Variants in C4orf50 observed in about 807,000 individuals in gnomAD.
C4orf50 encodes the protein uncharacterized protein C4orf50.
Under a neutral mutation model 77.2 loss-of-function variants are expected in C4orf50, and 80 were observed. The observed-to-expected ratio is 1.04, with a 90% confidence interval of 0.87 to 1.25. The LOEUF is 1.25. C4orf50 is among the 50% of genes most tolerant of loss of function. The probability of loss-of-function intolerance (pLI) is 0.00; values close to 1 mark genes in which losing one functional copy is unlikely to be tolerated. For missense variants in C4orf50, 1,257 were observed against 1,152.9 expected, an observed-to-expected ratio of 1.09 and a Z score of -1.31; for synonymous variants, 532 against 465.3, an observed-to-expected ratio of 1.14 and a Z score of -1.84.
intron 7 of C4orf50, among the ~76,000 whole-genome samples, chr4:5,926,882 C>G (rs1407640658): frequency 6.6e-6 from 1 of 152,228 alleles, no homozygotes; most frequent in Non-Finnish European, 1.5e-5. Context: ...CATTCATTCA[C>G]TGACCATTCA....
At chr4:5,990,008 C>G in exon 28 of C4orf50, 3 of 1,397,196 alleles carry the variant, frequency 2.1e-6, no homozygotes, top group Non-Finnish European at 2.8e-6. Flanking sequence ...GGCCATGGCT[C>G]TTTGGTCTCA....
intron 7 of C4orf50, among the ~76,000 whole-genome samples, chr4:5,940,557 G>C (rs1718216682): frequency 1.3e-5 from 2 of 152,166 alleles, no homozygotes; most frequent in South Asian, 4.1e-4. Flanking sequence ...TAAGTAATCA[G>C]GGCCTCAAAA....
intron 23 of C4orf50, among the ~76,000 whole-genome samples, chr4:6,014,020 G>C (rs868039636): frequency 8.8e-6 from 1 of 113,146 alleles, no homozygotes; most frequent in East Asian, 5.5e-4. Flanking sequence ...TTTTTTTTTT[G>C]AGATGGAGTT....
chr4:5,924,482 G>A (rs558515774), intron 7 of C4orf50, among the ~76,000 whole-genome samples: 1 of 152,196 alleles, frequency 6.6e-6, no homozygotes, highest in Non-Finnish European at 1.5e-5. Context: ...CAGGAGCAGA[G>A]AGCAGGAAAG....
rs553775365 is a variant in C4orf50, at chr4:5,993,007, C to T, written c.1094-77G>A. 36 of 397,144 alleles carry T rather than the reference C, an allele frequency of 9.1e-5. No individual in the cohort carries two copies. In the South Asian group the frequency reaches 4.8e-3, roughly 53 times the overall value. 24.6% of individuals were successfully genotyped at this position (397,144 alleles called of 1,614,324 possible). ...CCATGATCGCCTCTAGGGACCACGTCCCCCAGGCTTGGGTAAGATGGCACC... is the reference window on the plus strand; with the variant it reads ...CCATGATCGCCTCTAGGGACCACGTTCCCCAGGCTTGGGTAAGATGGCACC... On this transcript the variant is annotated intron_variant, in intron 26 of 33. Coordinates refer to ENST00000531445, the Ensembl canonical transcript of C4orf50.
At position 5,932,419 on chromosome 4, in the gene C4orf50, T is replaced by A. The variant is rs769424309; in HGVS notation, c.*2474+24482A>T. On this transcript the variant is annotated intron_variant, in intron 7 of 7. Coordinates refer to the C4orf50 transcript ENST00000324058. The surrounding 1 kb of genome is among the most constrained non-coding windows in gnomAD (Gnocchi z 4.2). The stretch of plus-strand genomic sequence containing the variant: ...TGAGGTGACCAGGTGATCATCTACC[T>A]GGAGAAGGAAGGCATCAGACTGTGG... Among the ~76,000 whole-genome samples the A allele has an allele frequency of 2.0e-5, 3 of 152,116 alleles. No homozygotes were observed. Among genetic ancestry groups the A allele is most frequent in the Non-Finnish European group, 4.4e-5 (3 of 68,010 alleles).
chr4:5,976,457 GAAAA>G (rs138450804), intron 29 of C4orf50, among the ~76,000 whole-genome samples: 3 of 93,102 alleles, frequency 3.2e-5, no homozygotes, highest in Admixed American at 1.3e-4. Flanking sequence ...CTCTGTCTCG[GAAAA>G]AAAAAAAAAA....
intron 32 of C4orf50, 28 bp downstream of exon 10, chr4:5,967,386 G>T (rs9997727): frequency 1.7e-5 from 27 of 1,598,908 alleles, no homozygotes; most frequent in Non-Finnish European, 2.1e-5. Context: ...GAGCACACAG[G>T]CTTTTCCTGA....
intron 33 of C4orf50, among the ~76,000 whole-genome samples, chr4:5,963,529 T>A: frequency 6.6e-6 from 1 of 152,180 alleles, no homozygotes. Flanking sequence ...ATGCATGATT[T>A]CATTGAATTG....
rs186307195 is a variant in C4orf50 at position 5,942,547 on chromosome 4, C to A, written c.*2474+14354G>T. On this transcript the variant is annotated intron_variant, in intron 7 of 7. Transcript: ENST00000324058. ...AGGGAGGGAGGCTTAAATAATTTTA[C>A]TGAAATAATAATAACATCAAATATT... Among the ~76,000 whole-genome samples the A allele has an allele frequency of 1.8e-4, 27 of 152,298 alleles. No individual in the cohort carries two copies. The East Asian group carries it at 2.9e-3, about 16-fold the overall frequency.
At chr4:5,964,846 A>C (rs908813983) in intron 33 of C4orf50, among the ~76,000 whole-genome samples, 178 bp downstream of exon 11, 1 of 151,816 alleles carries the variant, frequency 6.6e-6, no homozygotes, top group Non-Finnish European at 1.5e-5. Flanking sequence ...AAATTAGATC[A>C]TAGAAGGAGA....
Position 5,935,727 on chromosome 4 carries a change from A to G in C4orf50, c.*2474+21174T>C, listed in dbSNP as rs554918285. ...CTTGAACCCGGGAGGTGGAGGCTGC[A>G]GTGAGCCGAGATTGCGCCATTGCAC... On this transcript the variant is annotated intron_variant, in intron 7 of 7. Transcript: ENST00000324058. Among the ~76,000 whole-genome samples the G allele has an allele frequency of 1.1e-4, 15 of 141,940 alleles. No homozygotes were observed. The East Asian group carries it at 3.2e-3, about 30-fold the overall frequency. 93.1% of individuals were successfully genotyped at this position (141,940 alleles called of 152,430 possible).
At chr4:5,994,005 G>A (rs1170458390) in intron 26 of C4orf50, among the ~76,000 whole-genome samples, 5 of 152,146 alleles carry the variant, frequency 3.3e-5, no homozygotes, top group African/African-American at 1.2e-4. Flanking sequence ...GACGGCTCCT[G>A]GCCATCATAC....
chr4:5,906,992 G>A (rs1302756372), intron 7 of C4orf50, among the ~76,000 whole-genome samples: 2 of 152,176 alleles, frequency 1.3e-5, no homozygotes, highest in Non-Finnish European at 2.9e-5. Flanking sequence ...GTGTTCATGA[G>A]GCAGATCTTG....
intron 29 of C4orf50, 141 bp from the exon 8 acceptor site, chr4:5,976,096 G>T: frequency 1.5e-6 from 1 of 664,596 alleles, no homozygotes; most frequent in Non-Finnish European, 2.7e-6. Context: ...AGGAACAGGG[G>T]CCTTTCCCAC....
intron 7 of C4orf50, among the ~76,000 whole-genome samples, chr4:5,949,857 C>T (rs1009761270): frequency 5.9e-5 from 9 of 151,942 alleles, no homozygotes; most frequent in South Asian, 2.1e-4. Flanking sequence ...GGCATGGTGG[C>T]GGGTGCCTGT....
chr4:5,937,191 T>G (rs73795122), intron 7 of C4orf50, among the ~76,000 whole-genome samples: 11,157 of 151,962 alleles, frequency 0.073, 1,191 homozygotes, highest in African/African-American at 0.24. Flanking sequence ...CTGGTAAATC[T>G]AAAAAAGTAT....
chr4:5,951,494 C>T (rs1304863183), intron 7 of C4orf50, among the ~76,000 whole-genome samples: 3 of 152,056 alleles, frequency 2.0e-5, no homozygotes, highest in Admixed American at 6.6e-5. Flanking sequence ...TGTTGATTAC[C>T]CTGCAAACCA....
At chr4:5,984,056 C>T (rs183668198) in intron 28 of C4orf50, among the ~76,000 whole-genome samples, 12 of 152,350 alleles carry the variant, frequency 7.9e-5, no homozygotes, top group Admixed American at 4.6e-4. Flanking sequence ...TGCTGTGGAA[C>T]TCAGCTGATA....
Sources: allele counts gnomAD v4.1 joint callset (sites outside exome capture counted in the v4.1 genomes callset), GRCh38; gene constraint gnomAD v4.1.1; non-coding constraint Gnocchi (gnomAD v3.1); transcripts MANE v1.5; gene names NCBI Gene and HGNC (gene_info 2026-07-23, HGNC 2026-07-21).